Variants in FAM78B observed in about 807,000 individuals in gnomAD.
FAM78B encodes protein FAM78B.
FAM78B carries 10 observed loss-of-function variants against 20.0 expected under a neutral mutation model. The ratio of observed to expected loss-of-function variants is 0.50; its 90% CI spans 0.31 to 0.85. The LOEUF is 0.85. FAM78B is among the 40% of genes least tolerant of loss of function. The pLI, the probability that FAM78B is intolerant of heterozygous loss-of-function variation, is 0.05. For synonymous variants in FAM78B, 135 were observed against 132.8 expected, an observed-to-expected ratio of 1.02 and a Z score of -0.12; for missense variants, 283 against 345.0, an observed-to-expected ratio of 0.82 and a Z score of 1.42.
chr1:166,118,395 A>G (rs1171984991), intron 1 of FAM78B, among the ~76,000 whole-genome samples: 7 of 152,230 alleles, frequency 4.6e-5, no homozygotes, highest in Admixed American at 3.9e-4. Context: ...GTATAGTTTC[A>G]GTTAATCACA....
chr1:166,137,757 AAGCATAAGC>A, intron 1 of FAM78B, among the ~76,000 whole-genome samples: 1 of 152,240 alleles, frequency 6.6e-6, no homozygotes, highest in Admixed American at 6.5e-5. Context: ...AAACACTGAA[AAGCATAAGC>A]AGCACTACAA....
chr1:166,096,811 A>G (rs1204858916), intron 1 of FAM78B, among the ~76,000 whole-genome samples: 1 of 152,186 alleles, frequency 6.6e-6, no homozygotes, highest in African/African-American at 2.4e-5. Context: ...AGAGAAGATG[A>G]AGAGTTGTCT....
At chr1:166,074,049 G>A (rs1305942648) in intron 1 of FAM78B, among the ~76,000 whole-genome samples, 3 of 152,124 alleles carry the variant, frequency 2.0e-5, no homozygotes, top group African/African-American at 7.2e-5. Context: ...TCCAACTCTG[G>A]TCTCTCTCAA....
At chr1:166,138,701 G>A (rs547177343) in intron 1 of FAM78B, among the ~76,000 whole-genome samples, 2 of 152,308 alleles carry the variant, frequency 1.3e-5, no homozygotes, top group South Asian at 4.1e-4. Context: ...CAGGCAGCTC[G>A]TTTTGAGGGT....
intron 1 of FAM78B, among the ~76,000 whole-genome samples, chr1:166,086,921 C>A (rs1222017740): frequency 6.6e-6 from 1 of 152,146 alleles, no homozygotes; most frequent in African/African-American, 2.4e-5. Flanking sequence ...CCTAAATGTT[C>A]CCCCAGTGTG....
At chr1:166,151,134 T>C (rs959827320) in intron 1 of FAM78B, among the ~76,000 whole-genome samples, 3 of 152,110 alleles carry the variant, frequency 2.0e-5, no homozygotes, top group African/African-American at 7.2e-5. Flanking sequence ...TGGAAACAAA[T>C]GCACGTAGAC....
At chr1:166,107,584 C>G (rs546619669) in intron 1 of FAM78B, among the ~76,000 whole-genome samples, 23 of 152,090 alleles carry the variant, frequency 1.5e-4, no homozygotes, top group Non-Finnish European at 2.2e-4. Flanking sequence ...AGCATTGGTA[C>G]CAGTCCTTTT....
chr1:166,077,254 C>G (rs1472584655), intron 1 of FAM78B, among the ~76,000 whole-genome samples: 1 of 152,148 alleles, frequency 6.6e-6, no homozygotes, highest in East Asian at 1.9e-4. Flanking sequence ...AAGCAGCATT[C>G]TGGAGGCAGA....
chr1:166,121,285 G>C (rs990264666), intron 1 of FAM78B, among the ~76,000 whole-genome samples: 1 of 152,060 alleles, frequency 6.6e-6, no homozygotes, highest in Non-Finnish European at 1.5e-5. Context: ...TAGCTGTGGT[G>C]GGATACTGAG....
rs200794576 is a variant in FAM78B, at chr1:166,106,349, TA to T, written c.264-35587del. Among the ~76,000 whole-genome samples, 1,012 of 139,820 alleles carry T rather than the reference TA, an allele frequency of 7.2e-3. 13 individuals are homozygous for T. Among genetic ancestry groups the T allele is most frequent in the African/African-American group, 0.026 (973 of 37,522 alleles). 91.7% of individuals were successfully genotyped at this position (139,820 alleles called of 152,430 possible). A position where few individuals can be genotyped will look rare whatever the true frequency, so the allele number is the denominator to read the frequency against. On this transcript the variant is annotated intron_variant, in intron 1 of 1. Coordinates refer to ENST00000354422, the MANE Select transcript of FAM78B (RefSeq NM_001017961.5). ...GTGCACATGTACCCTAAAACTTAAA[TA>T]AAAAAAAAAGAAAATGTAGTACACA...
At chr1:166,100,980 A>C (rs1398051294) in intron 1 of FAM78B, among the ~76,000 whole-genome samples, 1 of 152,104 alleles carries the variant, frequency 6.6e-6, no homozygotes, top group Non-Finnish European at 1.5e-5. Flanking sequence ...GCCAGGTACC[A>C]CTCTGAGACA....
At chr1:166,120,342 G>A (rs1654420243) in intron 1 of FAM78B, among the ~76,000 whole-genome samples, 1 of 152,202 alleles carries the variant, frequency 6.6e-6, no homozygotes, top group Admixed American at 6.5e-5. Context: ...GTGCCTGTGT[G>A]CTTTCCATCA....
intron 1 of FAM78B, among the ~76,000 whole-genome samples, chr1:166,160,076 G>T (rs775642470): frequency 6.6e-6 from 1 of 152,156 alleles, no homozygotes; most frequent in African/African-American, 2.4e-5. Context: ...TGGAAATGGC[G>T]GGGGGAGAAT....
chr1:166,102,544 C>T (rs1653571380), intron 1 of FAM78B, among the ~76,000 whole-genome samples: 1 of 152,020 alleles, frequency 6.6e-6, no homozygotes, highest in South Asian at 2.1e-4. Flanking sequence ...CAAAAAAAGG[C>T]AGGGGTTGCA....
intron 1 of FAM78B, among the ~76,000 whole-genome samples, chr1:166,073,534 C>T (rs1026095598): frequency 7.5e-6 from 1 of 134,174 alleles, no homozygotes; most frequent in Non-Finnish European, 1.6e-5. Flanking sequence ...TTCTCTTTCT[C>T]TCTTTTTTTT....
chr1:166,154,327 A>G (rs947546684), intron 1 of FAM78B, among the ~76,000 whole-genome samples: 1 of 152,190 alleles, frequency 6.6e-6, no homozygotes, highest in African/African-American at 2.4e-5. Flanking sequence ...GTTGTTGGGA[A>G]TCCCGGCTAA....
chr1:166,159,505 A>C (rs1254410419), intron 1 of FAM78B, among the ~76,000 whole-genome samples: 1 of 152,134 alleles, frequency 6.6e-6, no homozygotes, highest in Non-Finnish European at 1.5e-5. Flanking sequence ...CCCACACCAG[A>C]CTTTGCATTT....
chr1:166,119,793 C>A (rs930172363), intron 1 of FAM78B, among the ~76,000 whole-genome samples: 2 of 152,214 alleles, frequency 1.3e-5, no homozygotes, highest in African/African-American at 2.4e-5. Flanking sequence ...AGTGGCCACA[C>A]GAGACTCCCT....
intron 1 of FAM78B, among the ~76,000 whole-genome samples, chr1:166,164,316 G>C (rs1334391997): frequency 6.6e-6 from 1 of 152,214 alleles, no homozygotes; most frequent in Non-Finnish European, 1.5e-5. Flanking sequence ...ATGAGAGGAA[G>C]GGCTCTTGCC....
Sources: allele counts gnomAD v4.1 joint callset (sites outside exome capture counted in the v4.1 genomes callset), GRCh38; gene constraint gnomAD v4.1.1; transcripts MANE v1.5; gene names NCBI Gene and HGNC (gene_info 2026-07-23, HGNC 2026-07-21).